RGS5: variants seen among roughly 807,000 people sequenced by gnomAD.
RGS5 encodes regulator of G-protein signalling 5.
RGS5 carries 20 observed loss-of-function variants against 18.9 expected under a neutral mutation model. That is an observed-to-expected ratio of 1.06 (90% CI 0.74 to 1.54). The LOEUF (loss-of-function observed/expected upper bound fraction) is 1.54, where lower values mean the gene tolerates loss of function less well. Among genes scored for constraint, RGS5 ranks in the 40% most tolerant of loss-of-function variants. The pLI, the probability that RGS5 is intolerant of heterozygous loss-of-function variation, is 0.00. For missense variants in RGS5, 201 were observed against 211.8 expected (o/e 0.95, Z 0.32); for synonymous variants, 57 against 76.2 (o/e 0.75, Z 1.31).
chr1:163,308,904 C>T (rs1487433088), intron 1 of RGS5, among the ~76,000 whole-genome samples: 1 of 152,102 alleles, frequency 6.6e-6, no homozygotes, highest in East Asian at 1.9e-4. Context: ...GTTAAATGTA[C>T]AAAAATATTA....
At chr1:163,163,048 G>T (rs1054013838) in intron 2 of RGS5, among the ~76,000 whole-genome samples, 16 of 140,878 alleles carry the variant, frequency 1.1e-4, no homozygotes, top group African/African-American at 2.6e-4. Context: ...TCGGGGGGGG[G>T]GGTGGTTAAT....
intron 1 of RGS5, among the ~76,000 whole-genome samples, chr1:163,309,148 G>A (rs2040504096): frequency 6.6e-6 from 1 of 152,172 alleles, no homozygotes; most frequent in South Asian, 2.1e-4. Flanking sequence ...TGGGGAGATA[G>A]AGGTTACAGT....
intron 2 of RGS5, among the ~76,000 whole-genome samples, chr1:163,245,427 C>A (rs1647902567): frequency 6.6e-6 from 1 of 152,136 alleles, no homozygotes; most frequent in South Asian, 2.1e-4. Context: ...TATATTTTTT[C>A]TTTGTAAATA....
chr1:163,146,445 AT>A lies in RGS5; in HGVS notation c.*896del, dbSNP rs1657131257. ...CTTTTTAGCATATAGCCATCTTGAT[AT>A]TTAGGTGGGAGACTACTCCAATGGA... is the stretch of plus-strand genomic sequence containing the variant. On this transcript the variant is annotated 3_prime_UTR_variant, in exon 5 of 5. Transcript: ENST00000313961. 6.6e-6 allele frequency: 1 copy of A among 152,162 alleles called. No homozygotes were observed. Among genetic ancestry groups the A allele is most frequent in the African/African-American group, 2.4e-5 (1 of 41,446 alleles). The allele number at this position is 152,162 out of a possible 1,614,324, so 9.4% of individuals were successfully genotyped here. A position where few individuals can be genotyped will look rare whatever the true frequency, so the allele number is the denominator to read the frequency against.
chr1:163,196,084 T>A (rs1420023523), intron 1 of RGS5, among the ~76,000 whole-genome samples: 3 of 152,170 alleles, frequency 2.0e-5, no homozygotes, highest in Non-Finnish European at 4.4e-5. Flanking sequence ...CTGAATCCTG[T>A]AATCTTAAGA....
intron 2 of RGS5, among the ~76,000 whole-genome samples, chr1:163,164,417 T>A (rs547189869): frequency 6.6e-6 from 1 of 152,318 alleles, no homozygotes; most frequent in East Asian, 1.9e-4. Flanking sequence ...TTATAATGCC[T>A]AGTATAAATG....
At chr1:163,213,406 G>A (rs2036700) in intron 1 of RGS5, among the ~76,000 whole-genome samples, 25,348 of 152,104 alleles carry the variant, frequency 0.17, 2,181 homozygotes, top group Non-Finnish European at 0.18. Flanking sequence ...TGGAAATGGG[G>A]GAAGAGTCAG....
intron 3 of RGS5, among the ~76,000 whole-genome samples, chr1:163,156,835 G>A (rs1173527998): frequency 6.6e-6 from 1 of 152,152 alleles, no homozygotes; most frequent in East Asian, 1.9e-4. Flanking sequence ...TGGCACTCAA[G>A]TCCTAAAATT....
At chr1:163,203,701 A>C (rs73026877), upstream of RGS5, among the ~76,000 whole-genome samples, 840 of 152,256 alleles carry the variant, frequency 5.5e-3, 9 homozygotes, top group African/African-American at 0.019. Flanking sequence ...TAATTCTGTC[A>C]GTGGTCTTCT....
intron 1 of RGS5, chr1:163,172,498 T>C: frequency 2.0e-6 from 3 of 1,527,016 alleles, no homozygotes; most frequent in Non-Finnish European, 2.6e-6. Flanking sequence ...AAATCAACTA[T>C]CATTTATAAC....
At chr1:163,217,523 T>C (rs1660244757) in intron 1 of RGS5, 1 of 1,535,532 alleles carries the variant, frequency 6.5e-7, no homozygotes, top group Middle Eastern at 1.7e-4. Flanking sequence ...TATTTGTACA[T>C]ACATTGATAT....
intron 2 of RGS5, among the ~76,000 whole-genome samples, chr1:163,226,975 G>A (rs1403351371): frequency 6.6e-6 from 1 of 152,168 alleles, no homozygotes; most frequent in Non-Finnish European, 1.5e-5. Context: ...AGTCCTAAGT[G>A]ACAATTAGAA....
intron 3 of RGS5, among the ~76,000 whole-genome samples, chr1:163,157,639 T>C (rs1469667932): frequency 1.3e-5 from 2 of 152,132 alleles, no homozygotes; most frequent in Non-Finnish European, 2.9e-5. Context: ...AATGCCAAAT[T>C]TCCCTTATAA....
intron 2 of RGS5, among the ~76,000 whole-genome samples, chr1:163,288,627 T>C (rs1164996382): frequency 6.6e-6 from 1 of 152,192 alleles, no homozygotes; most frequent in African/African-American, 2.4e-5. Context: ...TACAGGCTTT[T>C]AGCAGGGTCA....
intron 2 of RGS5, among the ~76,000 whole-genome samples, chr1:163,166,355 C>A (rs567547383): frequency 6.6e-6 from 1 of 152,218 alleles, no homozygotes; most frequent in Admixed American, 6.5e-5. Flanking sequence ...AAAACGGATT[C>A]TACTGATGTC....
upstream of RGS5, among the ~76,000 whole-genome samples, chr1:163,204,569 TGA>T (rs1659898284): frequency 6.6e-6 from 1 of 152,148 alleles, no homozygotes; most frequent in Non-Finnish European, 1.5e-5. Flanking sequence ...AGGCTGGTCT[TGA>T]ACTCTTTGCT....
At chr1:163,234,509 A>T (rs1647569816) in intron 2 of RGS5, among the ~76,000 whole-genome samples, 1 of 152,184 alleles carries the variant, frequency 6.6e-6, no homozygotes, top group Admixed American at 6.5e-5. Context: ...TTTACATCAC[A>T]GTTTTGCTGA....
At chr1:163,184,383 T>A (rs1269042456) in intron 1 of RGS5, among the ~76,000 whole-genome samples, 2 of 145,802 alleles carry the variant, frequency 1.4e-5, no homozygotes, top group Admixed American at 6.9e-5. Context: ...GAAGCTTTCC[T>A]GACCACCCCA....
At chr1:163,189,745 C>T (rs1303783008) in intron 1 of RGS5, among the ~76,000 whole-genome samples, 2 of 152,164 alleles carry the variant, frequency 1.3e-5, no homozygotes, top group Non-Finnish European at 2.9e-5. Flanking sequence ...GGTCTCTGGG[C>T]TTGACCCCCT....
Sources: gnomAD v4.1 joint callset for allele counts (sites outside exome capture counted in the v4.1 genomes callset) on GRCh38, gnomAD v4.1.1 for gene constraint, MANE v1.5 for transcripts, NCBI Gene and HGNC (gene_info 2026-07-23, HGNC 2026-07-21) for gene names.